SSBP4: variants seen among roughly 807,000 people sequenced by gnomAD.
SSBP4 encodes single-stranded DNA-binding protein 4.
Under a neutral mutation model 64.6 loss-of-function variants are expected in SSBP4, and 33 were observed. The observed-to-expected ratio is 0.51, with a 90% CI of 0.39 to 0.68. The LOEUF (loss-of-function observed/expected upper bound fraction) is 0.68, where lower values mean the gene tolerates loss of function less well. Among genes scored for constraint, SSBP4 ranks in the 30% least tolerant of loss-of-function variants. The pLI, the probability that SSBP4 is intolerant of heterozygous loss-of-function variation, is 0.00. For missense variants in SSBP4, 583 were observed against 566.8 expected (o/e 1.03, Z -0.29); for synonymous variants, 243 against 224.0 (o/e 1.08, Z -0.76).
chr19:18,432,311 C>A, intron 10 of SSBP4, 97 bp downstream of exon 10: 2 of 1,476,344 alleles, frequency 1.4e-6, no homozygotes, highest in Non-Finnish European at 1.8e-6. Context: ...CTCAGGACAG[C>A]CTTGGATATT....
chr19:18,419,778 CGCGGGGCACGTGG>C, intron 1 of SSBP4, 71 bp downstream of exon 1: 1 of 1,056,494 alleles, frequency 9.5e-7, no homozygotes, highest in Non-Finnish European at 1.2e-6. Flanking sequence ...GCGGGCACCG[CGCGGGGCACGTGG>C]GCGCGGGCGG....
chr19:18,434,415 A>G lies in SSBP4; in HGVS notation c.*169A>G. ...CTCTTACCATTTTATTAAAAACGCA[A>G]GGACCTCAGAGACGTTCTTTTCTGT... On this transcript the variant is annotated 3_prime_UTR_variant, in exon 18 of 18. Coordinates refer to ENST00000270061, the MANE Select transcript of SSBP4 (RefSeq NM_032627.5). 2.4e-6 allele frequency: 3 copies of G among 1,234,020 alleles called. No individual in the cohort carries two copies. The highest frequency in any genetic ancestry group is 3.2e-6 in the Non-Finnish European group (3 of 933,328). 76.4% of individuals were successfully genotyped at this position (1,234,020 alleles called of 1,614,324 possible).
intron 1 of SSBP4, among the ~76,000 whole-genome samples, chr19:18,420,738 A>C (rs1007721151): frequency 2.6e-5 from 4 of 151,462 alleles, no homozygotes; most frequent in African/African-American, 9.7e-5. Flanking sequence ...TGTAGTCCCA[A>C]CTACTCGGGA....
chr19:18,433,343 C>A, intron 15 of SSBP4, 130 bp downstream of exon 15: 1 of 1,336,278 alleles, frequency 7.5e-7, no homozygotes, highest in Non-Finnish European at 1.0e-6. Flanking sequence ...CCGGGGGCCG[C>A]TCAGTGACAG....
intron 4 of SSBP4, among the ~76,000 whole-genome samples, chr19:18,428,564 TG>T (rs1973041136): frequency 6.6e-6 from 1 of 152,114 alleles, no homozygotes; most frequent in Admixed American, 6.5e-5. Context: ...CCTGTTGTCA[TG>T]GGGCAGCAGA....
rs1486564671 is a variant in SSBP4, at chr19:18,434,559, G to A, written c.*313G>A. ...TAAATGGAAGCTGGTTTTGGTTTTT[G>A]GTAGCTTGTCTCAGATTCCCTCTTT... On this transcript the variant is annotated 3_prime_UTR_variant, in exon 18 of 18. Transcript: ENST00000270061. 1.7e-5 allele frequency: 9 copies of A among 530,632 alleles called. No individual in the cohort carries two copies. Among genetic ancestry groups the A allele is most frequent in the Middle Eastern group, 4.9e-4 (1 of 2,042 alleles). 32.9% of individuals were successfully genotyped at this position (530,632 alleles called of 1,614,324 possible).
In SSBP4 at chr19:18,427,309, C is replaced by A; in HGVS notation, c.60-42C>A. ...GGAGGGGCTTTGGGGTGGGCCCTTG[C>A]CTTGGAGAGTCTGAGCTCCCTGGGC... On this transcript the variant is annotated intron_variant, in intron 1 of 17. Transcript: ENST00000270061. This position sits in a 1 kb window ranked among gnomAD's most constrained non-coding sequence, Gnocchi z 4.4. 1 of 1,599,906 alleles carries A rather than the reference C, an allele frequency of 6.3e-7. No individual in the cohort carries two copies. The highest frequency in any genetic ancestry group is 8.5e-7 in the Non-Finnish European group (1 of 1,176,166).
intron 4 of SSBP4, 74 bp downstream of exon 4, chr19:18,428,056 T>TGGGGGGCTTGTGGGGGGGGTGGTGGGGG: frequency 2.3e-6 from 1 of 444,262 alleles, no homozygotes; most frequent in Non-Finnish European, 3.7e-6. Flanking sequence ...GGAGGTGGGG[T>TGGGGGGCTTGTGGGGGGGGTGGTGGGGG]GGGGGGCTGC....
At chr19:18,413,766 C>CA in the SSBP4 span, among the ~76,000 whole-genome samples, 1 of 152,092 alleles carries the variant, frequency 6.6e-6, no homozygotes, top group Non-Finnish European at 1.5e-5. Context: ...CCTGTAATCG[C>CA]AGCACTTTGG....
the SSBP4 span, among the ~76,000 whole-genome samples, chr19:18,412,425 C>G: frequency 2.8e-5 from 4 of 143,874 alleles, no homozygotes; most frequent in Non-Finnish European, 4.5e-5. Flanking sequence ...CGCACCACGG[C>G]ACTCCAGCCT....
In SSBP4 at chr19:18,423,271, G is replaced by T. The variant is rs530315851; in HGVS notation, c.59+3564G>T. Reference sequence around the variant, plus strand: ...ATTTTGAGCCGGCACATGGATGTCGGTGGCTTGTTCATCAGCCTGGCAGGT... The same window carrying T: ...ATTTTGAGCCGGCACATGGATGTCGTTGGCTTGTTCATCAGCCTGGCAGGT... On this transcript the variant is annotated intron_variant, in intron 1 of 17. Transcript: ENST00000270061. This position sits in a 1 kb window ranked among gnomAD's most constrained non-coding sequence, Gnocchi z 4.0. 1.1e-4 allele frequency among the ~76,000 whole-genome samples: 17 copies of T among 152,352 alleles called. No individual in the cohort carries two copies. The highest frequency in any genetic ancestry group is 4.1e-4 in the African/African-American group (17 of 41,582).
intron 17 of SSBP4, 120 bp from the exon 18 acceptor site, chr19:18,434,097 C>T: frequency 6.8e-7 from 1 of 1,474,226 alleles, no homozygotes; most frequent in Non-Finnish European, 9.0e-7. Flanking sequence ...CCTCCTGTCC[C>T]CACCCCATGT....
chr19:18,432,783 G>A (rs1226424483), intron 12 of SSBP4, 46 bp from the exon 13 acceptor site: 5 of 1,613,370 alleles, frequency 3.1e-6, no homozygotes, highest in Non-Finnish European at 4.2e-6. Context: ...GTTGTGGGAT[G>A]GCAGATGAGG....
At chr19:18,430,118 C>A (rs563879779) in intron 4 of SSBP4, among the ~76,000 whole-genome samples, 2 of 152,278 alleles carry the variant, frequency 1.3e-5, no homozygotes, top group Admixed American at 6.5e-5. Context: ...TGGGGCTTGG[C>A]CTGGACCATA....
chr19:18,418,538 G>A (rs555638732), upstream of SSBP4, among the ~76,000 whole-genome samples: 88 of 152,374 alleles, frequency 5.8e-4, no homozygotes, highest in African/African-American at 1.9e-3. This position sits in a 1 kb window ranked among gnomAD's most constrained non-coding sequence, Gnocchi z 6.7. Context: ...CCGAGGCTGA[G>A]AAGCCCAAAC....
intron 4 of SSBP4, 74 bp downstream of exon 4, chr19:18,428,056 T>TGGGGGGGTGGGGGGGG: frequency 6.8e-6 from 3 of 444,250 alleles, no homozygotes; most frequent in East Asian, 4.7e-5. Flanking sequence ...GGAGGTGGGG[T>TGGGGGGGTGGGGGGGG]GGGGGGCTGC....
At chr19:18,428,063 C>CGGGGGGGGGGG in intron 4 of SSBP4, 81 bp downstream of exon 4, 1 of 1,347,472 alleles carries the variant, frequency 7.4e-7, no homozygotes, top group Non-Finnish European at 1.0e-6. Context: ...GGGTGGGGGG[C>CGGGGGGGGGGG]TGCACAGCCA....
At chr19:18,419,368 G>GGC (rs1417200508), upstream of SSBP4, 14 of 1,025,378 alleles carry the variant, frequency 1.4e-5, no homozygotes, top group African/African-American at 1.7e-5. Flanking sequence ...AGCGGGCGGG[G>GGC]GCGCGCGCGG....
chr19:18,419,123 C>T (rs1225940887), upstream of SSBP4: 18 of 985,406 alleles, frequency 1.8e-5, no homozygotes, highest in Non-Finnish European at 2.0e-5. Flanking sequence ...GGGTGTACAA[C>T]AATGTGGGTG....
Sources: gnomAD v4.1 joint callset for allele counts (sites outside exome capture counted in the v4.1 genomes callset) on GRCh38, gnomAD v4.1.1 for gene constraint, Gnocchi (gnomAD v3.1) non-coding constraint, MANE v1.5 for transcripts, NCBI Gene and HGNC (gene_info 2026-07-23, HGNC 2026-07-21) for gene names.